The following CCDC91 variants were observed in gnomAD, a reference collection of about 807,000 sequenced individuals.
CCDC91 encodes the protein coiled-coil domain-containing protein 91.
A neutral mutation model predicts 63.2 loss-of-function variants in CCDC91; 48 were observed. The ratio of observed to expected loss-of-function variants is 0.76; its 90% CI spans 0.60 to 0.97. The LOEUF (loss-of-function observed/expected upper bound fraction) is 0.97, where lower values mean the gene tolerates loss of function less well. Among genes scored for constraint, CCDC91 ranks in the 50% least tolerant of loss-of-function variants. The probability of loss-of-function intolerance (pLI) is 0.00; values close to 1 mark genes in which losing one functional copy is unlikely to be tolerated. For missense variants in CCDC91, 500 were observed against 494.6 expected (o/e 1.01, Z -0.10); for synonymous variants, 167 against 165.8 (o/e 1.01, Z -0.06).
intron 6 of CCDC91, among the ~76,000 whole-genome samples, chr12:28,355,326 AATTAACCAGGAT>A (rs774562260): frequency 7.2e-5 from 11 of 152,090 alleles, no homozygotes; most frequent in Admixed American, 1.3e-4. Context: ...CCAATCAACA[AATTAACCAGGAT>A]CTCAGCTGGG....
chr12:28,416,341 G>A (rs1947660028), intron 8 of CCDC91, among the ~76,000 whole-genome samples: 1 of 152,014 alleles, frequency 6.6e-6, no homozygotes. Context: ...CTTCTGGTGT[G>A]TATCAAAGGG....
intron 7 of CCDC91, among the ~76,000 whole-genome samples, chr12:28,378,623 A>G (rs1455556118): frequency 1.3e-5 from 2 of 152,074 alleles, no homozygotes; most frequent in African/African-American, 2.4e-5. Context: ...TTTGAATTCC[A>G]CCATTTTGTT....
chr12:28,316,116 T>TA (rs1939834842), intron 6 of CCDC91, among the ~76,000 whole-genome samples: 1 of 151,956 alleles, frequency 6.6e-6, no homozygotes, highest in Non-Finnish European at 1.5e-5. Flanking sequence ...TCCTCTAGGT[T>TA]TACAATATGT....
intron 12 of CCDC91, among the ~76,000 whole-genome samples, chr12:28,532,608 A>G (rs535207254): frequency 6.6e-6 from 1 of 152,176 alleles, no homozygotes; most frequent in Non-Finnish European, 1.5e-5. Context: ...TATATTTTTT[A>G]AATAAGTGAT....
chr12:28,378,626 A>G (rs1945093140), intron 7 of CCDC91, among the ~76,000 whole-genome samples: 2 of 152,116 alleles, frequency 1.3e-5, no homozygotes, highest in Admixed American at 1.3e-4. Context: ...GAATTCCACC[A>G]TTTTGTTAAT....
chr12:28,492,137 A>G lies in CCDC91; in HGVS notation c.1215+7972A>G, dbSNP rs1222147517. On this transcript the variant is annotated intron_variant, in intron 12 of 12. Coordinates refer to ENST00000536442, the MANE Select transcript of CCDC91 (RefSeq NM_018318.5). ...AGCATCTTAATCTGTCTATATCTAT[A>G]TATTTACACAGCATGCATCTGTGTA... is the stretch of plus-strand genomic sequence containing the variant. 3.3e-5 allele frequency among the ~76,000 whole-genome samples: 5 copies of G among 151,802 alleles called. No individual in the cohort carries two copies. In the Admixed American group the frequency reaches 3.3e-4, roughly 10 times the overall value.
intron 8 of CCDC91, among the ~76,000 whole-genome samples, chr12:28,418,190 T>A (rs1423312844): frequency 1.3e-5 from 2 of 152,134 alleles, no homozygotes; most frequent in Admixed American, 1.3e-4. Flanking sequence ...AATGTATGTG[T>A]GTTCAGGTTC....
chr12:28,257,273 T>C, intron 2 of CCDC91, 28 bp downstream of exon 2: 3 of 1,540,788 alleles, frequency 1.9e-6, no homozygotes, highest in Non-Finnish European at 1.8e-6. Flanking sequence ...CATTAGTTTG[T>C]TTTAACTTTG....
At chr12:28,485,716 A>G (rs76095304) in intron 12 of CCDC91, among the ~76,000 whole-genome samples, 2,513 of 152,286 alleles carry the variant, frequency 0.017, 75 homozygotes, top group African/African-American at 0.057. Flanking sequence ...CTAACCTTCT[A>G]AGGGGAAAAT....
At chr12:28,351,196 G>A (rs1314048534) in intron 6 of CCDC91, among the ~76,000 whole-genome samples, 1 of 152,200 alleles carries the variant, frequency 6.6e-6, no homozygotes, top group Non-Finnish European at 1.5e-5. Context: ...TAAACCAGAT[G>A]AGGGTGAGAC....
chr12:28,390,633 C>T lies in CCDC91; in HGVS notation c.655-671C>T, dbSNP rs150791061. Among the ~76,000 whole-genome samples, 757 of 152,186 alleles carry T rather than the reference C, an allele frequency of 5.0e-3. 9 individuals are homozygous for T. The highest frequency in any genetic ancestry group is 7.7e-3 in the Non-Finnish European group (523 of 67,994). On this transcript the variant is annotated intron_variant, in intron 7 of 12. Coordinates refer to ENST00000536442, the MANE Select transcript of CCDC91 (RefSeq NM_018318.5). ...TCTTTATATTTATCTGACTTGAGTT[C>T]CAGCATTTACAGTATCCAATTAAGT... is the stretch of plus-strand genomic sequence containing the variant.
At position 28,549,393 on chromosome 12, in the gene CCDC91, A is replaced by G; in HGVS notation, c.*220A>G. 2.8e-6 allele frequency: 1 copy of G among 356,622 alleles called. No homozygotes were observed. Among genetic ancestry groups the G allele is most frequent in the Non-Finnish European group, 5.2e-6 (1 of 192,694 alleles). 22.1% of individuals were successfully genotyped at this position (356,622 alleles called of 1,614,324 possible). On this transcript the variant is annotated 3_prime_UTR_variant, in exon 13 of 13. Coordinates refer to ENST00000536442, the MANE Select transcript of CCDC91 (RefSeq NM_018318.5). ...TTACTGTTATTTTATTATTATTAGT[A>G]GTAGCAGCAACAGAGTATGATATGA...
chr12:28,326,424 A>C (rs1390364469), intron 6 of CCDC91, among the ~76,000 whole-genome samples: 1 of 150,422 alleles, frequency 6.6e-6, no homozygotes, highest in East Asian at 2.0e-4. Context: ...TTATACTTTA[A>C]GTTTTAGGGT....
At chr12:28,296,408 G>T (rs948976810) in intron 3 of CCDC91, among the ~76,000 whole-genome samples, 2 of 151,754 alleles carry the variant, frequency 1.3e-5, no homozygotes, top group African/African-American at 4.8e-5. Flanking sequence ...TGGAGTCTTT[G>T]TTTATAGTAT....
At chr12:28,201,463 A>G (rs879144759) in intron 1 of CCDC91, among the ~76,000 whole-genome samples, 1 of 133,656 alleles carries the variant, frequency 7.5e-6, no homozygotes, top group Non-Finnish European at 1.7e-5. Flanking sequence ...CACTTCCTAG[A>G]TGGGATGGCG....
chr12:28,334,263 T>G (rs1174488535), intron 6 of CCDC91, among the ~76,000 whole-genome samples: 1 of 152,156 alleles, frequency 6.6e-6, no homozygotes, highest in Non-Finnish European at 1.5e-5. Context: ...GTTAGGAGTT[T>G]GTATAGTTCT....
Position 28,481,865 on chromosome 12 carries a change from A to G in CCDC91, c.1102-2187A>G, listed in dbSNP as rs149318181. Among the ~76,000 whole-genome samples, 76 of 152,092 alleles carry G rather than the reference A, an allele frequency of 5.0e-4. 1 individual carries two copies. The highest frequency in any genetic ancestry group is 3.4e-3 in the Middle Eastern group (1 of 294). On this transcript the variant is annotated intron_variant, in intron 11 of 12. Transcript: ENST00000536442. ...AAATTTCAACTGAGAAGGTATTAAT[A>G]ATATAAACACTCAGCTCCCTCAAAA...
At chr12:28,201,592 C>T (rs62363924) in intron 1 of CCDC91, among the ~76,000 whole-genome samples, 1 of 145,426 alleles carries the variant, frequency 6.9e-6, no homozygotes, top group East Asian at 2.0e-4. Flanking sequence ...GATGGGCGGC[C>T]AGGCAGAGAC....
intron 12 of CCDC91, among the ~76,000 whole-genome samples, chr12:28,524,047 A>G (rs922410372): frequency 1.3e-4 from 20 of 152,154 alleles, no homozygotes; most frequent in African/African-American, 4.8e-4. Context: ...AAGGGCAGCC[A>G]GAGAGAAAGG....
Sources: allele counts gnomAD v4.1 joint callset (sites outside exome capture counted in the v4.1 genomes callset), GRCh38; gene constraint gnomAD v4.1.1; transcripts MANE v1.5; gene names NCBI Gene and HGNC (gene_info 2026-07-23, HGNC 2026-07-21).